The following GIT1 variants were observed in gnomAD, a reference collection of about 807,000 sequenced individuals.
GIT1 encodes the protein GIT ArfGAP 1, also known as ARF GTPase-activating protein GIT1.
In GIT1, 14 loss-of-function variants were observed where a neutral mutation model predicts 91.7. That is an observed-to-expected ratio of 0.15 (90% CI 0.10 to 0.24). The LOEUF (loss-of-function observed/expected upper bound fraction) is 0.24. GIT1 is among the 10% of genes least tolerant of loss of function. GIT1 has a pLI of 1.00. For synonymous variants in GIT1, 414 were observed against 418.2 expected, an observed-to-expected ratio of 0.99 and a Z score of 0.12; for missense variants, 717 against 1,024.9, an observed-to-expected ratio of 0.70 and a Z score of 4.10.
chr17:29,574,534 A>AG lies in GIT1; in HGVS notation c.*167dup, dbSNP rs776699500. 1 of 684,590 alleles carries AG rather than the reference A, an allele frequency of 1.5e-6. No homozygotes were observed. The highest frequency in any genetic ancestry group is 2.6e-6 in the Non-Finnish European group (1 of 379,796). The allele number at this position is 684,590 out of a possible 1,614,324, so 42.4% of individuals were successfully genotyped here. A position where few individuals can be genotyped will look rare whatever the true frequency, so the allele number is the denominator to read the frequency against. On this transcript the variant is annotated 3_prime_UTR_variant, in exon 20 of 20. Coordinates refer to ENST00000225394, the MANE Select transcript of GIT1 (RefSeq NM_014030.4). ...CCTGCCCCCCCACCTCCCCATCCTT[A>AG]GGGGCTCGACAGGGGTGGGCACCAG...
At chr17:29,582,864 C>T (rs1219938780) in intron 3 of GIT1, 61 bp from the exon 4 acceptor site, 3 of 1,552,728 alleles carry the variant, frequency 1.9e-6, no homozygotes, top group Non-Finnish European at 2.7e-6. Flanking sequence ...ACCTTGCCAC[C>T]TCCCAGGGCC....
intron 7 of GIT1, among the ~76,000 whole-genome samples, chr17:29,579,654 T>C (rs1165224209): frequency 6.6e-6 from 1 of 151,970 alleles, no homozygotes; most frequent in Non-Finnish European, 1.5e-5. Context: ...GGAGGATCGT[T>C]TGAGGCTGTG....
Position 29,581,071 on chromosome 17 carries a change from G to A in GIT1, c.761+267C>T, listed in dbSNP as rs1235473948. The A allele has an allele frequency of 7.7e-6, 4 of 517,500 alleles. No individual in the cohort carries two copies. The highest frequency in any genetic ancestry group is 1.9e-5 in the African/African-American group (1 of 52,144). 32.1% of individuals were successfully genotyped at this position (517,500 alleles called of 1,614,324 possible). ...TGGGATTACAGGCGTGAGCCACCGCGCCCGGCCCACAGGTAGCTTCTCACA... is the reference window on the plus strand; with the variant it reads ...TGGGATTACAGGCGTGAGCCACCGCACCCGGCCCACAGGTAGCTTCTCACA... On this transcript the variant is annotated intron_variant, in intron 7 of 19. Transcript: ENST00000225394. This position sits in a 1 kb window ranked among gnomAD's most constrained non-coding sequence, Gnocchi z 4.8.
Position 29,574,192 on chromosome 17 carries a change from G to C in GIT1, c.*510C>G. The C allele has an allele frequency of 6.5e-6, 1 of 153,896 alleles. No homozygotes were observed. Among genetic ancestry groups the C allele is most frequent in the East Asian group, 1.9e-4 (1 of 5,202 alleles). 9.5% of individuals were successfully genotyped at this position (153,896 alleles called of 1,614,324 possible). On this transcript the variant is annotated 3_prime_UTR_variant, in exon 20 of 20. Transcript: ENST00000225394. ...GACCCCAGCACACAGGTTGGGGCCT[G>C]TGCCCTAGGCAGGGGCCATATGGCA...
chr17:29,574,669 C>T lies in GIT1; in HGVS notation c.*33G>A, dbSNP rs1410272583. ...GCCCAGCTCCTATGGCCAGTGAGGT[C>T]CTAGGGTGCAGGTGAGGGTGTGGGG... On this transcript the variant is annotated 3_prime_UTR_variant, in exon 20 of 20. Transcript: ENST00000225394. 1 of 1,535,930 alleles carries T rather than the reference C, an allele frequency of 6.5e-7. No homozygotes were observed. Among genetic ancestry groups the T allele is most frequent in the Non-Finnish European group, 9.0e-7 (1 of 1,111,328 alleles).
In GIT1 at chr17:29,575,558, A is replaced by G; in HGVS notation, c.1826+72T>C. On this transcript the variant is annotated intron_variant, in intron 17 of 19. Transcript: ENST00000225394. The surrounding 1 kb of genome is among the most constrained non-coding windows in gnomAD (Gnocchi z 5.5). ...CGGAGCCGCCCGCCTTGGTCCTCAC[A>G]CACTGGGGGCCCTCTCAACCTCCCC... 6.4e-7 allele frequency: 1 copy of G among 1,561,064 alleles called. No individual in the cohort carries two copies. Among genetic ancestry groups the G allele is most frequent in the East Asian group, 2.3e-5 (1 of 44,358 alleles).
chr17:29,584,749 G>T (rs2033528660), intron 1 of GIT1, among the ~76,000 whole-genome samples: 1 of 152,196 alleles, frequency 6.6e-6, no homozygotes, highest in East Asian at 1.9e-4. Context: ...ATCCCCATCA[G>T]GGGAGGGACA....
intron 1 of GIT1, among the ~76,000 whole-genome samples, chr17:29,585,821 GAACT>G (rs1000956869): frequency 4.6e-5 from 7 of 152,196 alleles, no homozygotes; most frequent in African/African-American, 1.4e-4. Flanking sequence ...AACTGTAAGG[GAACT>G]CGTCAGCCCT....
intron 9 of GIT1, 91 bp from the exon 10 acceptor site, chr17:29,577,833 C>T (rs1016766744): frequency 3.8e-6 from 3 of 787,958 alleles, no homozygotes; most frequent in Admixed American, 1.9e-5. Flanking sequence ...TCCTAGCTGC[C>T]CCCACGCCTA....
rs755646148 is a variant in GIT1, at chr17:29,575,510, TAGAG to T, written c.1827-44_1827-41del. 1.0e-5 allele frequency: 16 copies of T among 1,580,926 alleles called. No individual in the cohort carries two copies. Among genetic ancestry groups the T allele is most frequent in the South Asian group, 9.1e-5 (8 of 88,114 alleles). On this transcript the variant is annotated intron_variant, in intron 17 of 19. Transcript: ENST00000225394. This position sits in a 1 kb window ranked among gnomAD's most constrained non-coding sequence, Gnocchi z 5.5. ...CAGAAAACAGAGACAAAGATACATA[TAGAG>T]AAAGACACGTTCCAGCCTCGGAGCC...
In GIT1 at chr17:29,585,207, G is replaced by C. The variant is rs1314571759; in HGVS notation, c.53-1591C>G. Reference sequence around the variant, plus strand: ...TTTACCCAAATAGTGAGGCACCCCAGGTGTGGAGACCTCCCTCTCCCCACT... The same window carrying C: ...TTTACCCAAATAGTGAGGCACCCCACGTGTGGAGACCTCCCTCTCCCCACT... On this transcript the variant is annotated intron_variant, in intron 1 of 19. Coordinates refer to ENST00000225394, the MANE Select transcript of GIT1 (RefSeq NM_014030.4). Among the ~76,000 whole-genome samples the C allele has an allele frequency of 2.6e-5, 4 of 152,092 alleles. No individual in the cohort carries two copies. The East Asian group carries it at 7.7e-4, about 29-fold the overall frequency.
Position 29,579,168 on chromosome 17 carries a change from C to T in GIT1, c.762-389G>A, listed in dbSNP as rs144996186. ...CCCACCCCTCCTCCTCTGGCTTGCT[C>T]TTCCTCTCAGTGACCTGTTTGTCCA... is the stretch of plus-strand genomic sequence containing the variant. On this transcript the variant is annotated intron_variant, in intron 7 of 19. Transcript: ENST00000225394. The T allele has an allele frequency of 8.0e-3, 4,963 of 618,296 alleles. 28 individuals are homozygous for T. The highest frequency in any genetic ancestry group is 0.011 in the Non-Finnish European group (3,851 of 341,636). 38.3% of individuals were successfully genotyped at this position (618,296 alleles called of 1,614,324 possible).
chr17:29,581,694 GC>G lies in GIT1; in HGVS notation c.718+47del. 1.3e-6 allele frequency: 2 copies of G among 1,482,240 alleles called. No individual in the cohort carries two copies. The highest frequency in any genetic ancestry group is 9.3e-7 in the Non-Finnish European group (1 of 1,071,068). The allele number at this position is 1,482,240 out of a possible 1,614,324, so 91.8% of individuals were successfully genotyped here. A position where few individuals can be genotyped will look rare whatever the true frequency, so the allele number is the denominator to read the frequency against. On this transcript the variant is annotated intron_variant, in intron 6 of 19. Coordinates refer to ENST00000225394, the MANE Select transcript of GIT1 (RefSeq NM_014030.4). This position sits in a 1 kb window ranked among gnomAD's most constrained non-coding sequence, Gnocchi z 4.8. ...GGTGCGTCCAGGTCCCACCTGCCCAGCCCCAGCCAGGCCTGTCACAGCCAGG... is the reference window on the plus strand; with the variant it reads ...GGTGCGTCCAGGTCCCACCTGCCCAGCCCAGCCAGGCCTGTCACAGCCAGG...
rs751382038 is a variant in GIT1, at chr17:29,582,738, C to A, written c.365G>T (p.Cys122Phe). The A allele has an allele frequency of 1.2e-6, 2 of 1,613,710 alleles. No homozygotes were observed. The change falls in exon 4 of 20, where the codon TGC (cysteine) becomes TTC (phenylalanine). Residue 122 changes from cysteine (C) to phenylalanine (F), a missense_variant. By Grantham distance (205) the Cys-to-Phe change is radical (BLOSUM62 -2). Transcript: ENST00000225394. ...GGCGGTGACTCCATCATCGTCCCGGCAGGGAAGCTTGTGCACAAATGCCAG... is the reference window on the plus strand; with the variant it reads ...GGCGGTGACTCCATCATCGTCCCGGAAGGGAAGCTTGTGCACAAATGCCAG... ...QMLAFVHKLP[C>F]RDDDGVTAKD...
Position 29,589,427 on chromosome 17 carries a change from G to GGGCGGCGGGCCCGGGCGGC in GIT1, c.-68_-50dup. Reference sequence around the variant, plus strand: ...CCCTCTGGGCCAGCGTGGGGGGCGCGGGCGGCGGGCCCGGGCGGCGGCGGC... The same window carrying GGGCGGCGGGCCCGGGCGGC: ...CCCTCTGGGCCAGCGTGGGGGGCGCGGGCGGCGGGCCCGGGCGGCGGCGGCGGGCCCGGGCGGCGGCGGC... On this transcript the variant is annotated 5_prime_UTR_variant, in exon 1 of 20. Coordinates refer to ENST00000225394, the MANE Select transcript of GIT1 (RefSeq NM_014030.4). The surrounding 1 kb of genome is among the most constrained non-coding windows in gnomAD (Gnocchi z 5.2). The GGGCGGCGGGCCCGGGCGGC allele has an allele frequency of 1.2e-6, 1 of 839,370 alleles. No individual in the cohort carries two copies. The highest frequency in any genetic ancestry group is 1.4e-6 in the Non-Finnish European group (1 of 698,696). 52.0% of individuals were successfully genotyped at this position (839,370 alleles called of 1,614,324 possible).
chr17:29,574,948 C>CT (rs767429818), intron 19 of GIT1, 34 bp from the exon 20 acceptor site: 1 of 1,523,554 alleles, frequency 6.6e-7, no homozygotes, highest in South Asian at 1.2e-5. Flanking sequence ...GGACCTTGGA[C>CT]TTTAAGCCAC....
chr17:29,575,589 G>A lies in GIT1; in HGVS notation c.1826+41C>T, dbSNP rs376133502. The A allele has an allele frequency of 1.9e-5, 31 of 1,591,192 alleles. No individual in the cohort carries two copies. The highest frequency in any genetic ancestry group is 6.7e-5 in the Admixed American group (4 of 59,566). On this transcript the variant is annotated intron_variant, in intron 17 of 19. Coordinates refer to ENST00000225394, the MANE Select transcript of GIT1 (RefSeq NM_014030.4). This position sits in a 1 kb window ranked among gnomAD's most constrained non-coding sequence, Gnocchi z 5.5. ...GGGGCCCTCTCAACCTCCCCGCCTCGGCATGTGAGCAGGCTGGACTGGAGA... is the reference window on the plus strand; with the variant it reads ...GGGGCCCTCTCAACCTCCCCGCCTCAGCATGTGAGCAGGCTGGACTGGAGA...
chr17:29,583,476 C>A lies in GIT1; in HGVS notation c.186+7G>T, dbSNP rs1465796298. The A allele has an allele frequency of 6.2e-7, 1 of 1,611,416 alleles. No homozygotes were observed. The highest frequency in any genetic ancestry group is 1.7e-5 in the Admixed American group (1 of 59,982). On this transcript the variant is annotated splice_region_variant and intron_variant, in intron 2 of 19. Transcript: ENST00000225394. Reference sequence around the variant, plus strand: ...GGAAGGAAGAACCACCCGACTGAGCCCTGTACCTGCAGCAGCGTGGGAGGC... The same window carrying A: ...GGAAGGAAGAACCACCCGACTGAGCACTGTACCTGCAGCAGCGTGGGAGGC...
chr17:29,577,052 G>A, intron 11 of GIT1, 56 bp from the exon 12 acceptor site: 1 of 1,607,168 alleles, frequency 6.2e-7, no homozygotes, highest in Non-Finnish European at 8.5e-7. Context: ...CCATCTCTCA[G>A]GTCACCACTG....
Sources: gnomAD v4.1 joint callset for allele counts (sites outside exome capture counted in the v4.1 genomes callset) on GRCh38, gnomAD v4.1.1 for gene constraint, Gnocchi (gnomAD v3.1) non-coding constraint, MANE v1.5 for transcripts, NCBI Gene and HGNC (gene_info 2026-07-23, HGNC 2026-07-21) for gene names.